KIF7: variants seen among roughly 807,000 people sequenced by gnomAD.
KIF7 encodes kinesin family member 7, also known as kinesin-like protein KIF7.
In KIF7, 104 loss-of-function variants were observed where a neutral mutation model predicts 135.7. That is an observed-to-expected ratio of 0.77 (90% confidence interval 0.65 to 0.90). The LOEUF (loss-of-function observed/expected upper bound fraction) is 0.90, where lower values mean the gene tolerates loss of function less well. Ranked by LOEUF, KIF7 falls within the 40% of genes least tolerant of loss-of-function variation. The probability of loss-of-function intolerance (pLI) is 0.00; values close to 1 mark genes in which losing one functional copy is unlikely to be tolerated. For missense variants in KIF7, 2,005 were observed against 1,839.1 expected (o/e 1.09, Z -1.65); for synonymous variants, 883 against 809.4 (o/e 1.09, Z -1.54).
chr15:89,640,359 C>T (rs969590879), intron 11 of KIF7, among the ~76,000 whole-genome samples: 2 of 152,042 alleles, frequency 1.3e-5, no homozygotes, highest in African/African-American at 2.4e-5. Flanking sequence ...ACGACATTTA[C>T]GCACCAGGCA....
At chr15:89,662,530 A>G in the KIF7 span, among the ~76,000 whole-genome samples, 1 of 152,164 alleles carries the variant, frequency 6.6e-6, no homozygotes, top group African/African-American at 2.4e-5. Flanking sequence ...GGGGTAAATA[A>G]TTGCCTGGAT....
chr15:89,620,522 A>T (rs538717509), intron 1 of KIF7, among the ~76,000 whole-genome samples: 2 of 151,830 alleles, frequency 1.3e-5, no homozygotes, highest in South Asian at 4.2e-4. Context: ...ATGTGTTTTT[A>T]TATTTACAAA....
chr15:89,619,605 C>A, intron 1 of KIF7: 1 of 1,241,970 alleles, frequency 8.1e-7, no homozygotes, highest in Non-Finnish European at 1.1e-6. Flanking sequence ...GAATTTCCAT[C>A]TTATATGTGG....
At chr15:89,630,124 A>G (rs1456425811) in intron 16 of KIF7, 163 bp downstream of exon 16, 2 of 680,522 alleles carry the variant, frequency 2.9e-6, no homozygotes, top group African/African-American at 3.6e-5. Context: ...TAGTTTCACA[A>G]GTAAAATAGG....
intron 11 of KIF7, among the ~76,000 whole-genome samples, chr15:89,634,191 C>T (rs187686412): frequency 2.0e-3 from 298 of 152,238 alleles, no homozygotes; most frequent in African/African-American, 6.5e-3. Context: ...CCCAGCTACT[C>T]AGGAGGCTGA....
Position 89,629,212 on chromosome 15 carries a change from G to C in KIF7, c.3518-90C>G. ...GGGGGTGGGGGCTGTGGGCTGGGTG[G>C]GGGCCGGGGTTGTGAGCGGTGGGCC... is the stretch of plus-strand genomic sequence containing the variant. On this transcript the variant is annotated intron_variant, in intron 17 of 18. Transcript: ENST00000394412. The C allele has an allele frequency of 3.7e-5, 43 of 1,163,650 alleles. 2 individuals carry two copies. The South Asian group carries it at 5.9e-4, about 16-fold the overall frequency. 72.1% of individuals were successfully genotyped at this position (1,163,650 alleles called of 1,614,324 possible).
Position 89,647,586 on chromosome 15 carries a change from G to A in KIF7, c.1560+10C>T. 1 of 1,608,694 alleles carries A rather than the reference G, an allele frequency of 6.2e-7. No homozygotes were observed. Among genetic ancestry groups the A allele is most frequent in the Non-Finnish European group, 8.5e-7 (1 of 1,177,828 alleles). On this transcript the variant is annotated intron_variant, in intron 6 of 18. Coordinates refer to ENST00000394412, the MANE Select transcript of KIF7 (RefSeq NM_198525.3). ...GAAGCCTTCCCCGCACTGTGAAGCG[G>A]GCGCCGCACCTGCAGTTTGTACTGC...
At position 89,629,070 on chromosome 15, in the gene KIF7, A is replaced by T. The variant is rs1408166081; in HGVS notation, c.3570T>A (p.Ile1190=). The T allele has an allele frequency of 6.2e-7, 1 of 1,613,034 alleles. No homozygotes were observed. The highest frequency in any genetic ancestry group is 8.5e-7 in the Non-Finnish European group (1 of 1,179,880). Residue 1190 remains isoleucine (I), a synonymous_variant, in exon 18 of 19, where the codon ATT becomes ATA. Transcript: ENST00000394412. ...ADSRRQYEAR[I]QALEKELGRY... ...GGCCCAGTTCCTTCTCCAGAGCTTG[A>T]ATCCGGGCCTCATACTGCCTCCTGC...
At chr15:89,624,077 C>T (rs951839305), downstream of KIF7, 9 of 1,613,900 alleles carry the variant, frequency 5.6e-6, no homozygotes, top group African/African-American at 1.3e-5. Flanking sequence ...AGAGCAGCAG[C>T]CTTCATGGGC....
At position 89,647,044 on chromosome 15, in the gene KIF7, C is replaced by G; in HGVS notation, c.1574G>C (p.Arg525Pro). The change falls in exon 7 of 19, where the codon CGT (arginine) becomes CCT (proline). Residue 525 changes from arginine to proline, a missense_variant. By Grantham distance (103) the Arg-to-Pro change is moderately radical. Transcript: ENST00000394412. ...EQYKLQSDRLREQQEEMVELR... is the reference protein window; with the variant it reads ...EQYKLQSDRLPEQQEEMVELR... ...TTCCACCATCTCCTCCTGCTGCTCA[C>G]GCAGCCGGTCGCTCTGCAAGACATG... The G allele has an allele frequency of 1.3e-6, 2 of 1,592,958 alleles. No homozygotes were observed. The highest frequency in any genetic ancestry group is 1.7e-6 in the Non-Finnish European group (2 of 1,171,254).
intron 15 of KIF7, 67 bp downstream of exon 15, chr15:89,631,428 G>T: frequency 7.2e-7 from 1 of 1,391,276 alleles, no homozygotes; most frequent in Non-Finnish European, 9.8e-7. Context: ...TGGAGCAAGG[G>T]CTGAGGAGAG....
chr15:89,661,797 C>T, the KIF7 span, among the ~76,000 whole-genome samples: 2 of 151,994 alleles, frequency 1.3e-5, no homozygotes, highest in African/African-American at 4.8e-5. Flanking sequence ...TCTTGGCTCA[C>T]TGCAACCTCC....
At chr15:89,629,613 C>T (rs572911886) in intron 16 of KIF7, 40 bp from the exon 17 acceptor site, 1 of 1,599,348 alleles carries the variant, frequency 6.3e-7, no homozygotes, top group South Asian at 1.1e-5. Context: ...TCATCATGAC[C>T]CCTCTTCATC....
chr15:89,635,149 A>T (rs1266270167), intron 11 of KIF7, among the ~76,000 whole-genome samples: 2 of 152,032 alleles, frequency 1.3e-5, no homozygotes, highest in African/African-American at 2.4e-5. Context: ...ACAAACAGAA[A>T]GGACATCCAC....
At position 89,621,394 on chromosome 15, in the gene KIF7, C is replaced by A. The variant is rs375013994; in HGVS notation, c.181-3199G>T. 32 of 1,592,114 alleles carry A rather than the reference C, an allele frequency of 2.0e-5. No individual in the cohort carries two copies. In the African/African-American group the frequency reaches 2.0e-4, roughly 10 times the overall value. ...ATTGTTGCTGTTTTTGACTTGCAGA[C>A]CAAAGAGAAAATTCTCCAGTCCAAA... On this transcript the variant is annotated intron_variant and NMD_transcript_variant, in intron 1 of 2. Transcript: ENST00000558928.
In KIF7 at chr15:89,628,542, C is replaced by G; in HGVS notation, c.3909G>C (p.Val1303=). 2 of 1,613,314 alleles carry G rather than the reference C, an allele frequency of 1.2e-6. No homozygotes were observed. The highest frequency in any genetic ancestry group is 1.1e-5 in the South Asian group (1 of 91,080). ...LRQREAAEPL[V]GRVLPVGEAG... ...CCTCACCCACAGGAAGCACCCGCCC[C>G]ACCAGGGGCTCAGCCGCCTCCCGCT... The change falls in exon 19 of 19, where the codon GTG becomes GTC. Residue 1303 remains valine, a synonymous_variant. Coordinates refer to ENST00000394412, the MANE Select transcript of KIF7 (RefSeq NM_198525.3).
rs1963421538 is a variant in KIF7 at position 89,621,309 on chromosome 15, C to T, written c.181-3114G>A. ...GTGCTGGGATTACAGGCGTGAGCCA[C>T]CATGCGTGGCTGGCTGTTTTAATAG... On this transcript the variant is annotated intron_variant and NMD_transcript_variant, in intron 1 of 2. Transcript: ENST00000558928. 5 of 1,410,730 alleles carry T rather than the reference C, an allele frequency of 3.5e-6. No homozygotes were observed. In the East Asian group the frequency reaches 9.4e-5, roughly 26 times the overall value. 87.4% of individuals were successfully genotyped at this position (1,410,730 alleles called of 1,614,324 possible).
chr15:89,631,347 C>A (rs1468848906), intron 15 of KIF7, 148 bp downstream of exon 15: 7 of 729,292 alleles, frequency 9.6e-6, no homozygotes, highest in Admixed American at 2.6e-5. Flanking sequence ...CCAGCCCTCC[C>A]CAGCCCCCAC....
At chr15:89,631,264 G>C (rs1963668411) in intron 15 of KIF7, among the ~76,000 whole-genome samples, 2 of 152,210 alleles carry the variant, frequency 1.3e-5, no homozygotes, top group South Asian at 2.1e-4. Flanking sequence ...AGCCAGAAGA[G>C]AGCTGAGAGG....
Sources: gnomAD v4.1 joint callset for allele counts (sites outside exome capture counted in the v4.1 genomes callset) on GRCh38, gnomAD v4.1.1 for gene constraint, MANE v1.5 for transcripts, NCBI Gene and HGNC (gene_info 2026-07-23, HGNC 2026-07-21) for gene names.